The following PDPN variants were observed in gnomAD, a reference collection of about 807,000 sequenced individuals.
PDPN encodes podoplanin.
Under a neutral mutation model 23.2 loss-of-function variants are expected in PDPN, and 12 were observed. That is an observed-to-expected ratio of 0.52 (90% CI 0.33 to 0.84). The LOEUF (loss-of-function observed/expected upper bound fraction) is 0.84, where lower values mean the gene tolerates loss of function less well. Ranked by LOEUF, PDPN falls within the 40% of genes least tolerant of loss-of-function variation. PDPN has a pLI of 0.02. For missense variants in PDPN, 199 were observed against 212.2 expected, an observed-to-expected ratio of 0.94 and a Z score of 0.39; for synonymous variants, 77 against 76.7, an observed-to-expected ratio of 1.00 and a Z score of -0.02.
chr1:13,601,118 A>C (rs540970356), intron 1 of PDPN, among the ~76,000 whole-genome samples: 2 of 152,286 alleles, frequency 1.3e-5, no homozygotes, highest in African/African-American at 4.8e-5. Context: ...TTGAATACTT[A>C]CTTTTCCTCC....
chr1:13,605,301 C>T (rs1360704077), intron 1 of PDPN, among the ~76,000 whole-genome samples: 1 of 151,774 alleles, frequency 6.6e-6, no homozygotes, highest in Non-Finnish European at 1.5e-5. Context: ...CAAACATCTG[C>T]TCTTTCATTA....
At chr1:13,599,329 C>T (rs1254418900) in intron 1 of PDPN, among the ~76,000 whole-genome samples, 1 of 145,614 alleles carries the variant, frequency 6.9e-6, no homozygotes, top group African/African-American at 2.6e-5. Context: ...TCCCTGAGAT[C>T]TGAAGGCATG....
rs35244657 is a variant in PDPN at position 13,599,011 on chromosome 1, CTTT to C, written c.68-8147_68-8145del. Among the ~76,000 whole-genome samples the C allele has an allele frequency of 3.6e-3, 457 of 127,030 alleles. 2 individuals are homozygous for C. Among genetic ancestry groups the C allele is most frequent in the Non-Finnish European group, 5.1e-3 (305 of 60,056 alleles). 83.3% of individuals were successfully genotyped at this position (127,030 alleles called of 152,430 possible). ...ACAGTCCAAGAAAGTGCCCCCCCTC[CTTT>C]TTTTTTTTTTTTTTGGAGATGGAGT... On this transcript the variant is annotated intron_variant, in intron 1 of 5. Coordinates refer to ENST00000621990, the MANE Select transcript of PDPN (RefSeq NM_006474.5).
intron 1 of PDPN, among the ~76,000 whole-genome samples, chr1:13,588,434 A>G (rs1640238708): frequency 6.6e-6 from 1 of 151,950 alleles, no homozygotes; most frequent in South Asian, 2.1e-4. Context: ...CTCATTTAAA[A>G]AGCTGTGATA....
intron 1 of PDPN, among the ~76,000 whole-genome samples, chr1:13,604,627 A>C (rs968599246): frequency 6.6e-6 from 1 of 151,886 alleles, no homozygotes; most frequent in Non-Finnish European, 1.5e-5. Context: ...TAAAGCAAGG[A>C]TTGTTTTAAG....
intron 1 of PDPN, among the ~76,000 whole-genome samples, chr1:13,591,706 T>A (rs572422790): frequency 1.3e-5 from 2 of 152,264 alleles, no homozygotes; most frequent in African/African-American, 2.4e-5. Flanking sequence ...TTAAAAAAAA[T>A]TTTTTAGAGA....
chr1:13,603,046 A>G (rs1640687678), intron 1 of PDPN, among the ~76,000 whole-genome samples: 1 of 151,362 alleles, frequency 6.6e-6, no homozygotes, highest in African/African-American at 2.4e-5. Context: ...AAATAAAATG[A>G]GATGTCATCT....
At position 13,614,372 on chromosome 1, in the gene PDPN, T is replaced by A; in HGVS notation, c.443T>A (p.Ile148Asn). ...VLLAIGFIGA[I>N]IVVVMRKMSG... ...CTAGCCATCGGCTTCATTGGTGCAA[T>A]CATCGTTGTGGTTATGCGAAAAATG... Residue 148 changes from isoleucine to asparagine, a missense_variant, in exon 5 of 6, where the codon ATC becomes AAC. Transcript: ENST00000621990. 1 of 1,604,614 alleles carries A rather than the reference T, an allele frequency of 6.2e-7. No homozygotes were observed.
intron 2 of PDPN, among the ~76,000 whole-genome samples, chr1:13,609,324 C>T (rs1313460070): frequency 2.6e-5 from 4 of 152,150 alleles, no homozygotes; most frequent in Admixed American, 6.5e-5. Flanking sequence ...TGCTACCCCA[C>T]CCCAGAATGC....
chr1:13,613,868 AGC>A, intron 4 of PDPN, 143 bp downstream of exon 4: 15 of 404,942 alleles, frequency 3.7e-5, no homozygotes, highest in Non-Finnish European at 4.8e-5. Flanking sequence ...ACAGATTTCA[AGC>A]TTTTTTTTTT....
chr1:13,590,535 G>A (rs1640313198), intron 1 of PDPN, among the ~76,000 whole-genome samples: 1 of 152,194 alleles, frequency 6.6e-6, no homozygotes, highest in African/African-American at 2.4e-5. Context: ...GTTGGTTGGA[G>A]CAGGTGGCAG....
intron 1 of PDPN, among the ~76,000 whole-genome samples, chr1:13,596,818 C>G (rs757233689): frequency 5.9e-5 from 9 of 152,200 alleles, no homozygotes; most frequent in Non-Finnish European, 1.2e-4. Context: ...CCGGAACCCA[C>G]TTCAGGTTGA....
intron 1 of PDPN, among the ~76,000 whole-genome samples, chr1:13,603,021 T>C (rs1640686901): frequency 1.3e-5 from 2 of 150,428 alleles, no homozygotes; most frequent in Admixed American, 1.3e-4. Context: ...TCTACAAATA[T>C]ATATATATAT....
chr1:13,611,241 A>C (rs1247816071), intron 3 of PDPN, among the ~76,000 whole-genome samples: 12 of 150,504 alleles, frequency 8.0e-5, no homozygotes, highest in East Asian at 2.0e-4. Flanking sequence ...ACAAAACAAA[A>C]AAACAAACAA....
Position 13,610,398 on chromosome 1 carries a change from T to A in PDPN, c.213T>A (p.Ser71Arg). 1.2e-6 allele frequency: 2 copies of A among 1,613,612 alleles called. No homozygotes were observed. Among genetic ancestry groups the A allele is most frequent in the Non-Finnish European group, 1.7e-6 (2 of 1,179,632 alleles). Residue 71 changes from serine to arginine, a missense_variant, in exon 3 of 6, where the codon AGT (serine) becomes AGA (arginine). Ser to Arg is a moderately radical substitution (Grantham distance 110). Coordinates refer to ENST00000621990, the MANE Select transcript of PDPN (RefSeq NM_006474.5). ...KSGLTTLVAT[S>R]VNSVTGIRIE... ...TACACCTACAATAGGTGGCAACAAG[T>A]GTCAACAGTGTAACAGGCATTCGCA...
chr1:13,607,803 G>C (rs1348154511), intron 2 of PDPN, among the ~76,000 whole-genome samples: 2 of 152,104 alleles, frequency 1.3e-5, no homozygotes, highest in African/African-American at 4.8e-5. Flanking sequence ...TGCTATAAAG[G>C]GTTCTAAATA....
At chr1:13,588,635 T>C (rs1640247913) in intron 1 of PDPN, among the ~76,000 whole-genome samples, 1 of 147,530 alleles carries the variant, frequency 6.8e-6, no homozygotes, top group East Asian at 1.9e-4. Flanking sequence ...AATATAAATA[T>C]ATAACTATAT....
intron 1 of PDPN, among the ~76,000 whole-genome samples, chr1:13,595,004 A>G (rs1305457569): frequency 2.0e-5 from 3 of 150,258 alleles, no homozygotes; most frequent in South Asian, 2.1e-4. Flanking sequence ...CAAAAAAAAA[A>G]AAAAGAAAGA....
At chr1:13,590,572 G>A (rs1034355064) in intron 1 of PDPN, among the ~76,000 whole-genome samples, 1 of 152,074 alleles carries the variant, frequency 6.6e-6, no homozygotes, top group African/African-American at 2.4e-5. Flanking sequence ...CAGAAGAAAT[G>A]GCTTGAACAA....
Sources: gnomAD v4.1 joint callset for allele counts (sites outside exome capture counted in the v4.1 genomes callset) on GRCh38, gnomAD v4.1.1 for gene constraint, MANE v1.5 for transcripts, NCBI Gene and HGNC (gene_info 2026-07-23, HGNC 2026-07-21) for gene names.